The following KPNA1 variants were observed in gnomAD, a reference collection of about 807,000 sequenced individuals.
KPNA1 encodes karyopherin subunit alpha 1, also known as importin subunit alpha-5.
A neutral mutation model predicts 70.5 loss-of-function variants in KPNA1; 10 were observed. The observed-to-expected ratio is 0.14, with a 90% CI of 0.09 to 0.24. The LOEUF is 0.24. Among genes scored for constraint, KPNA1 ranks in the 10% least tolerant of loss-of-function variants. The pLI is 1.00. For synonymous variants in KPNA1, 192 were observed against 221.9 expected, an observed-to-expected ratio of 0.87 and a Z score of 1.20; for missense variants, 397 against 637.9, an observed-to-expected ratio of 0.62 and a Z score of 4.07.
rs2107518360 is a variant in KPNA1 at position 122,514,767 on chromosome 3, G to C, written c.-16C>G. ...GGCCCCAGCACTCACCAGGCTCAAGGCAACCGATCCCGGTGCCACCGCTGA... is the reference window on the plus strand; with the variant it reads ...GGCCCCAGCACTCACCAGGCTCAAGCCAACCGATCCCGGTGCCACCGCTGA... On this transcript the variant is annotated 5_prime_UTR_variant, in exon 1 of 14. Coordinates refer to ENST00000344337, the MANE Select transcript of KPNA1 (RefSeq NM_002264.4). The C allele has an allele frequency of 6.6e-6, 1 of 152,488 alleles. No individual in the cohort carries two copies. The highest frequency in any genetic ancestry group is 2.1e-4 in the South Asian group (1 of 4,824). 9.4% of individuals were successfully genotyped at this position (152,488 alleles called of 1,614,324 possible). A position where few individuals can be genotyped will look rare whatever the true frequency, so the allele number is the denominator to read the frequency against.
At chr3:122,440,344 G>T (rs1287581586) in intron 10 of KPNA1, among the ~76,000 whole-genome samples, 4 of 152,188 alleles carry the variant, frequency 2.6e-5, no homozygotes, top group African/African-American at 9.7e-5. Flanking sequence ...AGCAGAGAAT[G>T]TGGATATGTG....
chr3:122,431,765 A>G (rs1010868899), intron 12 of KPNA1, among the ~76,000 whole-genome samples: 2 of 152,106 alleles, frequency 1.3e-5, no homozygotes, highest in South Asian at 2.1e-4. Context: ...GAAAGATGGC[A>G]TAATAAAATA....
At chr3:122,433,927 T>C in intron 11 of KPNA1, 139 bp from the exon 12 acceptor site, 1 of 694,084 alleles carries the variant, frequency 1.4e-6, no homozygotes. Flanking sequence ...AGTTATGTCA[T>C]TATCTCTAAC....
chr3:122,510,828 A>G (rs927907840), intron 1 of KPNA1, among the ~76,000 whole-genome samples: 1 of 152,222 alleles, frequency 6.6e-6, no homozygotes, highest in Non-Finnish European at 1.5e-5. Context: ...GCTGCTTTTC[A>G]GGTATTCTAA....
chr3:122,496,315 G>GTT, intron 2 of KPNA1, 122 bp downstream of exon 2: 1 of 366,362 alleles, frequency 2.7e-6, no homozygotes, highest in Non-Finnish European at 4.4e-6. Context: ...GGGGAGAAGG[G>GTT]GAAAACACAC....
chr3:122,493,005 G>C (rs1226529980), intron 2 of KPNA1, among the ~76,000 whole-genome samples: 1 of 151,892 alleles, frequency 6.6e-6, no homozygotes, highest in Non-Finnish European at 1.5e-5. Flanking sequence ...TAACATATCA[G>C]AAAATAATAA....
At chr3:122,453,518 T>G (rs199853776) in intron 6 of KPNA1, among the ~76,000 whole-genome samples, 3 of 91,848 alleles carry the variant, frequency 3.3e-5, no homozygotes, top group South Asian at 7.1e-4. Flanking sequence ...TTGTGGTTTT[T>G]TTTGTTTTTC....
chr3:122,449,484 A>G lies in KPNA1; in HGVS notation c.917+90T>C. ...CCCAAAGCACAATAAATCAATTATC[A>G]TGTACAATCCATTAATATTTAAGTA... On this transcript the variant is annotated intron_variant, in intron 9 of 13. Transcript: ENST00000344337. 4 of 1,006,854 alleles carry G rather than the reference A, an allele frequency of 4.0e-6. No individual in the cohort carries two copies. In the South Asian group the frequency reaches 6.6e-5, roughly 16 times the overall value. The allele number at this position is 1,006,854 out of a possible 1,614,324, so 62.4% of individuals were successfully genotyped here.
At chr3:122,443,848 G>C (rs115042315) in intron 9 of KPNA1, among the ~76,000 whole-genome samples, 51 of 152,250 alleles carry the variant, frequency 3.3e-4, no homozygotes, top group African/African-American at 1.2e-3. Flanking sequence ...GGTGAGATTA[G>C]AACTGCTGAT....
chr3:122,446,789 G>T (rs1206794488), intron 9 of KPNA1, among the ~76,000 whole-genome samples: 2 of 151,942 alleles, frequency 1.3e-5, no homozygotes, highest in African/African-American at 4.8e-5. Flanking sequence ...GACTAATAAA[G>T]AAAAGAGAAA....
intron 1 of KPNA1, among the ~76,000 whole-genome samples, chr3:122,504,192 T>C (rs1179909252): frequency 6.6e-6 from 1 of 152,214 alleles, no homozygotes; most frequent in Non-Finnish European, 1.5e-5. Flanking sequence ...GGGTGTCTTA[T>C]AAACAATAGA....
intron 2 of KPNA1, among the ~76,000 whole-genome samples, chr3:122,477,451 G>A (rs1033359569): frequency 6.6e-6 from 1 of 152,160 alleles, no homozygotes; most frequent in Admixed American, 6.5e-5. Flanking sequence ...TGAAATCCCA[G>A]CAATTTGGAA....
chr3:122,435,853 T>C (rs1042355933), intron 11 of KPNA1, among the ~76,000 whole-genome samples: 4 of 152,186 alleles, frequency 2.6e-5, no homozygotes, highest in African/African-American at 9.7e-5. Context: ...GACCCTGTGA[T>C]GATTGCATCA....
intron 1 of KPNA1, among the ~76,000 whole-genome samples, chr3:122,511,728 G>A (rs957142240): frequency 5.9e-5 from 9 of 152,146 alleles, no homozygotes; most frequent in Non-Finnish European, 1.0e-4. Context: ...ATAACACCAT[G>A]CAAAGTACAA....
chr3:122,461,426 C>T, intron 4 of KPNA1, 108 bp from the exon 5 acceptor site: 1 of 672,894 alleles, frequency 1.5e-6, no homozygotes. Flanking sequence ...ATCTCTCATG[C>T]TGGAAATCTA....
intron 10 of KPNA1, among the ~76,000 whole-genome samples, chr3:122,440,420 T>C (rs1463335992): frequency 6.6e-6 from 1 of 152,128 alleles, no homozygotes; most frequent in African/African-American, 2.4e-5. Context: ...GAATAAAGCA[T>C]GCGTTAAAAC....
intron 8 of KPNA1, among the ~76,000 whole-genome samples, chr3:122,450,155 A>T (rs1346396335): frequency 6.6e-6 from 1 of 152,216 alleles, no homozygotes; most frequent in Non-Finnish European, 1.5e-5. Flanking sequence ...AACTACAAAA[A>T]TACCCATTTA....
intron 1 of KPNA1, among the ~76,000 whole-genome samples, chr3:122,513,727 G>A (rs1306920309): frequency 6.6e-6 from 1 of 151,946 alleles, no homozygotes; most frequent in Non-Finnish European, 1.5e-5. Context: ...AGAAAAAAGG[G>A]TGAAATTCAA....
intron 2 of KPNA1, among the ~76,000 whole-genome samples, chr3:122,484,148 T>C (rs986606747): frequency 2.0e-5 from 3 of 152,166 alleles, no homozygotes; most frequent in Non-Finnish European, 4.4e-5. Flanking sequence ...AAACTGTGAA[T>C]TGGTGGGATG....
Sources: gnomAD v4.1 joint callset for allele counts (sites outside exome capture counted in the v4.1 genomes callset) on GRCh38, gnomAD v4.1.1 for gene constraint, MANE v1.5 for transcripts, NCBI Gene and HGNC (gene_info 2026-07-23, HGNC 2026-07-21) for gene names.